Variants in KAT2B observed in about 807,000 individuals in gnomAD.
The protein encoded by KAT2B is histone acetyltransferase KAT2B.
KAT2B carries 36 observed loss-of-function variants against 105.9 expected under a neutral mutation model. The ratio of observed to expected loss-of-function variants is 0.34; its 90% CI spans 0.26 to 0.45. The LOEUF is 0.45. KAT2B is among the 20% of genes least tolerant of loss of function. KAT2B has a pLI of 1.00. For synonymous variants in KAT2B, 397 were observed against 377.9 expected, an observed-to-expected ratio of 1.05 and a Z score of -0.59; for missense variants, 820 against 1,021.6, an observed-to-expected ratio of 0.80 and a Z score of 2.69.
intron 1 of KAT2B, among the ~76,000 whole-genome samples, chr3:20,063,315 A>G (rs1299358501): frequency 6.7e-6 from 1 of 150,012 alleles, no homozygotes; most frequent in Non-Finnish European, 1.5e-5. Flanking sequence ...GCGTGCTGGG[A>G]TTATACACCT....
At chr3:20,136,689 A>G (rs1034222489) in intron 11 of KAT2B, among the ~76,000 whole-genome samples, 11 of 152,204 alleles carry the variant, frequency 7.2e-5, no homozygotes, top group Non-Finnish European at 7.3e-5. Context: ...TTTTCAAATA[A>G]CTAGAAACTT....
Position 20,129,555 on chromosome 3 carries a change from T to G in KAT2B, c.1749+2006T>G, listed in dbSNP as rs1052654189. 4.0e-5 allele frequency among the ~76,000 whole-genome samples: 6 copies of G among 151,838 alleles called. No individual in the cohort carries two copies. The East Asian group carries it at 1.2e-3, about 30-fold the overall frequency. The stretch of plus-strand genomic sequence containing the variant: ...CATGCCCGGCCAATTTTTGTATTTT[T>G]AGTAGAGATGAGGTTTCGCCATGTT... On this transcript the variant is annotated intron_variant, in intron 11 of 17. Transcript: ENST00000263754.
intron 2 of KAT2B, among the ~76,000 whole-genome samples, chr3:20,078,639 G>A (rs1003901851): frequency 6.6e-5 from 10 of 151,400 alleles, no homozygotes; most frequent in African/African-American, 2.4e-4. Context: ...TCGGCCTCCC[G>A]AAGTGCTGGG....
chr3:20,050,405 C>T (rs1417609660), intron 1 of KAT2B, among the ~76,000 whole-genome samples: 2 of 152,094 alleles, frequency 1.3e-5, no homozygotes, highest in East Asian at 1.9e-4. Flanking sequence ...AGCTGTAGGA[C>T]ATTTTCAGCA....
intron 9 of KAT2B, among the ~76,000 whole-genome samples, chr3:20,125,306 GAAAAAAAAA>G (rs34271857): frequency 8.5e-6 from 1 of 117,164 alleles, no homozygotes; most frequent in Admixed American, 9.2e-5. Context: ...CTCCGTCTCA[GAAAAAAAAA>G]AAAAAAAAAA....
intron 1 of KAT2B, among the ~76,000 whole-genome samples, chr3:20,041,577 G>A (rs1697720110): frequency 6.6e-6 from 1 of 152,228 alleles, no homozygotes; most frequent in Non-Finnish European, 1.5e-5. Context: ...AGATCCAGAT[G>A]TGGAGGCTGT....
At chr3:20,064,030 C>A (rs1698184463) in intron 1 of KAT2B, among the ~76,000 whole-genome samples, 1 of 152,096 alleles carries the variant, frequency 6.6e-6, no homozygotes, top group African/African-American at 2.4e-5. Context: ...TGACCATTAT[C>A]TGTGAGGGTT....
At chr3:20,071,884 G>A (rs1405373544) in intron 1 of KAT2B, among the ~76,000 whole-genome samples, 1 of 152,148 alleles carries the variant, frequency 6.6e-6, no homozygotes, top group Non-Finnish European at 1.5e-5. Flanking sequence ...CGGTTCTATG[G>A]GTTTCCCTTC....
chr3:20,100,268 A>G (rs1373003850), intron 4 of KAT2B, among the ~76,000 whole-genome samples: 1 of 152,222 alleles, frequency 6.6e-6, no homozygotes, highest in Admixed American at 6.5e-5. Context: ...TGGTGCTTTA[A>G]AATGAAGTCT....
At chr3:20,061,138 C>T (rs1331528920) in intron 1 of KAT2B, among the ~76,000 whole-genome samples, 2 of 152,162 alleles carry the variant, frequency 1.3e-5, no homozygotes, top group African/African-American at 2.4e-5. Context: ...AACAGTAACT[C>T]CCTCTTCCTT....
In KAT2B at chr3:20,127,347, T is replaced by C. The variant is rs1347419470; in HGVS notation, c.1623-76T>C. ...GGACATGTCCCTCTTTCTTAGTTGG[T>C]TAATAAGGAACACCCCAAAAAGTAT... On this transcript the variant is annotated intron_variant, in intron 10 of 17. Coordinates refer to ENST00000263754, the MANE Select transcript of KAT2B (RefSeq NM_003884.5). 13 of 1,315,060 alleles carry C rather than the reference T, an allele frequency of 9.9e-6. No individual in the cohort carries two copies. The Admixed American group carries it at 2.4e-4, about 25-fold the overall frequency. 81.5% of individuals were successfully genotyped at this position (1,315,060 alleles called of 1,614,324 possible). A position where few individuals can be genotyped will look rare whatever the true frequency, so the allele number is the denominator to read the frequency against.
At chr3:20,095,115 C>A in intron 2 of KAT2B, 148 bp from the exon 3 acceptor site, 1 of 618,486 alleles carries the variant, frequency 1.6e-6, no homozygotes, top group Non-Finnish European at 2.8e-6. Context: ...AGACTTCAGT[C>A]CTACAGGAGT....
chr3:20,136,794 G>C (rs1193502245), intron 11 of KAT2B, 148 bp from the exon 12 acceptor site: 2 of 415,620 alleles, frequency 4.8e-6, no homozygotes, highest in Non-Finnish European at 8.6e-6. Context: ...CGCAAGAAAG[G>C]GTGTTAATAT....
At chr3:20,069,104 CAA>C (rs1471084641) in intron 1 of KAT2B, among the ~76,000 whole-genome samples, 2 of 152,116 alleles carry the variant, frequency 1.3e-5, no homozygotes, top group African/African-American at 2.4e-5. Flanking sequence ...AATACATTAA[CAA>C]GAGAAAAACA....
chr3:20,065,925 C>T (rs1353883468), intron 1 of KAT2B, among the ~76,000 whole-genome samples: 4 of 152,132 alleles, frequency 2.6e-5, no homozygotes, highest in African/African-American at 9.7e-5. Flanking sequence ...TATTATTTAA[C>T]ATTTTCTAGT....
chr3:20,078,050 T>G (rs1255601175), intron 2 of KAT2B, among the ~76,000 whole-genome samples: 2 of 152,020 alleles, frequency 1.3e-5, no homozygotes, highest in Admixed American at 6.6e-5. Context: ...GGCATGTGCC[T>G]TTTAGTCCCA....
intron 5 of KAT2B, 95 bp downstream of exon 5, chr3:20,101,563 TC>T (rs1698911444): frequency 1.2e-6 from 1 of 868,068 alleles, no homozygotes; most frequent in Admixed American, 2.3e-5. Context: ...TGCCTAGTTA[TC>T]ATTATGACTC....
intron 2 of KAT2B, among the ~76,000 whole-genome samples, chr3:20,089,517 C>T (rs1013369028): frequency 1.2e-4 from 18 of 151,658 alleles, no homozygotes; most frequent in African/African-American, 4.4e-4. Context: ...TCTTCTGCCT[C>T]AGCCTCCTGA....
chr3:20,119,565 A>G, intron 7 of KAT2B, 33 bp from the exon 8 acceptor site: 1 of 1,613,006 alleles, frequency 6.2e-7, no homozygotes, highest in Non-Finnish European at 8.5e-7. Context: ...GGAGTCAGTC[A>G]TCTAACACCT....
Sources: allele counts gnomAD v4.1 joint callset (sites outside exome capture counted in the v4.1 genomes callset), GRCh38; gene constraint gnomAD v4.1.1; transcripts MANE v1.5; gene names NCBI Gene and HGNC (gene_info 2026-07-23, HGNC 2026-07-21).